The following MMP17 variants were observed in gnomAD, a reference collection of about 807,000 sequenced individuals.
MMP17 encodes matrix metalloproteinase-17.
Under a neutral mutation model 49.1 loss-of-function variants are expected in MMP17, and 54 were observed. The ratio of observed to expected loss-of-function variants is 1.10; its 90% CI spans 0.88 to 1.38. The LOEUF (loss-of-function observed/expected upper bound fraction) is 1.38. MMP17 is among the 40% of genes most tolerant of loss of function. The pLI, the probability that MMP17 is intolerant of heterozygous loss-of-function variation, is 0.00. For missense variants in MMP17, 837 were observed against 853.7 expected (o/e 0.98, Z 0.24); for synonymous variants, 397 against 383.1 (o/e 1.04, Z -0.42).
At chr12:131,841,880 C>G in intron 5 of MMP17, 80 bp downstream of exon 5, 1 of 1,437,944 alleles carries the variant, frequency 7.0e-7, no homozygotes, top group South Asian at 1.4e-5. Context: ...CAGAGCCCCC[C>G]CGGGAGGGTT....
intron 5 of MMP17, among the ~76,000 whole-genome samples, chr12:131,842,343 C>T (rs1364038222): frequency 2.6e-5 from 4 of 152,186 alleles, no homozygotes; most frequent in African/African-American, 9.7e-5. Context: ...CAGCTGCCCT[C>T]CACACCGCCC....
intron 3 of MMP17, chr12:131,839,956 T>A (rs1270246210): frequency 6.6e-6 from 1 of 151,746 alleles, no homozygotes. Context: ...TGAAAAAAAA[T>A]AAAAATAAAA....
At chr12:131,840,933 C>A (rs1480765404) in intron 4 of MMP17, 77 bp downstream of exon 4, 10 of 1,445,494 alleles carry the variant, frequency 6.9e-6, no homozygotes, top group East Asian at 2.4e-5. Flanking sequence ...CATGGCCCCC[C>A]CATCCCCAAC....
In MMP17 at chr12:131,850,047, C is replaced by A; in HGVS notation, c.1450C>A (p.Arg484Ser). ...CCCCAGCACGCTGGACGACGCCATG[C>A]GCTGGTCCGACGGTGAGTGCCAGCT... ...GVPSTLDDAM[R>S]WSDGASYFFR... Residue 484 changes from arginine to serine, a missense_variant, in exon 9 of 10, where the codon CGC (arginine) becomes AGC (serine). Coordinates refer to ENST00000360564, the MANE Select transcript of MMP17 (RefSeq NM_016155.7). The A allele has an allele frequency of 1.2e-6, 2 of 1,611,018 alleles. No homozygotes were observed. The highest frequency in any genetic ancestry group is 8.5e-7 in the Non-Finnish European group (1 of 1,178,798).
chr12:131,841,149 G>A (rs1014613518), intron 4 of MMP17, among the ~76,000 whole-genome samples: 2 of 152,230 alleles, frequency 1.3e-5, no homozygotes, highest in Admixed American at 6.5e-5. Flanking sequence ...CTGTGGCCCC[G>A]GCTCAGTGTC....
At chr12:131,835,194 C>T (rs1486599297) in intron 1 of MMP17, among the ~76,000 whole-genome samples, 1 of 152,238 alleles carries the variant, frequency 6.6e-6, no homozygotes, top group Non-Finnish European at 1.5e-5. Context: ...AGGCACCCAC[C>T]AGCCCTGCCC....
Position 131,841,552 on chromosome 12 carries a change from G to C in MMP17, c.707-72G>C, listed in dbSNP as rs1005573496. On this transcript the variant is annotated intron_variant, in intron 4 of 9. Coordinates refer to ENST00000360564, the MANE Select transcript of MMP17 (RefSeq NM_016155.7). ...CATGGTCACCCCAGAGCATGGTGGG[G>C]GCCTGCTGGTCCCTCCCCGCGGGGA... The C allele has an allele frequency of 9.9e-6, 15 of 1,507,680 alleles. No homozygotes were observed. The South Asian group carries it at 1.6e-4, about 16-fold the overall frequency. 93.4% of individuals were successfully genotyped at this position (1,507,680 alleles called of 1,614,324 possible).
chr12:131,829,463 C>G (rs576114787), intron 1 of MMP17, among the ~76,000 whole-genome samples: 11 of 152,086 alleles, frequency 7.2e-5, no homozygotes, highest in South Asian at 4.1e-4. Context: ...AGCGCCCCCC[C>G]GCTGGGGCGG....
intron 6 of MMP17, chr12:131,844,717 T>TTAAAA: frequency 3.9e-6 from 1 of 258,636 alleles, no homozygotes; most frequent in Non-Finnish European, 7.7e-6. Flanking sequence ...ACCTTGTCCC[T>TTAAAA]GACCTTCTGT....
rs1422242180 is a variant in MMP17 at position 131,844,020 on chromosome 12, A to G, written c.907A>G (p.Thr303Ala). The G allele has an allele frequency of 5.1e-6, 8 of 1,567,372 alleles. No individual in the cohort carries two copies. The highest frequency in any genetic ancestry group is 6.0e-6 in the Non-Finnish European group (7 of 1,158,302). ...LYGVRESVSPTAQPEEPPLLP... is the reference protein window; with the variant it reads ...LYGVRESVSPAAQPEEPPLLP... ...AGGTGTGCGGGAGTCTGTGTCTCCC[A>G]CGGCGCAGCCCGAGGAGCCTCCCCT... Residue 303 changes from threonine (T) to alanine (A), a missense_variant, in exon 6 of 10, where the codon ACG becomes GCG. Thr to Ala is a moderately conservative substitution (Grantham distance 58). Coordinates refer to ENST00000360564, the MANE Select transcript of MMP17 (RefSeq NM_016155.7).
chr12:131,847,150 C>T (rs181048103), intron 8 of MMP17, among the ~76,000 whole-genome samples: 30 of 151,140 alleles, frequency 2.0e-4, no homozygotes, highest in East Asian at 1.4e-3. Flanking sequence ...CAGTGGCTCA[C>T]GCCTGCAATC....
chr12:131,847,301 T>C (rs552106340), intron 8 of MMP17, among the ~76,000 whole-genome samples: 1 of 151,162 alleles, frequency 6.6e-6, no homozygotes, highest in South Asian at 2.1e-4. Context: ...TTGTTCCAGC[T>C]ACTCGGGAGG....
intron 8 of MMP17, 53 bp from the exon 9 acceptor site, chr12:131,849,749 G>A: frequency 6.4e-7 from 1 of 1,561,766 alleles, no homozygotes; most frequent in Non-Finnish European, 8.7e-7. Flanking sequence ...GGAGCCTCCT[G>A]CCCTTCGGGG....
At position 131,842,822 on chromosome 12, in the gene MMP17, G is replaced by T. The variant is rs11246847; in HGVS notation, c.883+1022G>T. ...AATTTCAAGGTGTGTACTTCTATGCGTTCAGGACATTCACAAGGTTGTGTG... is the reference window on the plus strand; with the variant it reads ...AATTTCAAGGTGTGTACTTCTATGCTTTCAGGACATTCACAAGGTTGTGTG... On this transcript the variant is annotated intron_variant, in intron 5 of 9. Transcript: ENST00000360564. 3.9e-4 allele frequency among the ~76,000 whole-genome samples: 59 copies of T among 151,876 alleles called. No homozygotes were observed. In the East Asian group the frequency reaches 6.0e-3, roughly 15 times the overall value.
intron 1 of MMP17, among the ~76,000 whole-genome samples, chr12:131,833,632 G>A (rs896754078): frequency 6.6e-6 from 1 of 152,238 alleles, no homozygotes; most frequent in Admixed American, 6.5e-5. Context: ...CCGTGGACAG[G>A]TTATCCACAC....
In MMP17 at chr12:131,840,722, A is replaced by G. The variant is rs1887350534; in HGVS notation, c.572A>G (p.Lys191Arg). 4 of 1,604,798 alleles carry G rather than the reference A, an allele frequency of 2.5e-6. No individual in the cohort carries two copies. The highest frequency in any genetic ancestry group is 3.4e-6 in the Non-Finnish European group (4 of 1,179,924). Reference sequence around the variant, plus strand: ...GCCGACATCCAGATCGACTTCTCCAAGGCCGACCATAACGACGGCTACCCC... The same window carrying G: ...GCCGACATCCAGATCGACTTCTCCAGGGCCGACCATAACGACGGCTACCCC... ...SAADIQIDFS[K>R]ADHNDGYPFD... The change falls in exon 4 of 10, where the codon AAG (lysine) becomes AGG (arginine). Residue 191 changes from lysine (K) to arginine (R), a missense_variant. By Grantham distance (26) the Lys-to-Arg change is conservative (BLOSUM62 2). Transcript: ENST00000360564.
chr12:131,840,467 C>A (rs1593229463), intron 3 of MMP17, 106 bp from the exon 4 acceptor site: 4 of 1,247,134 alleles, frequency 3.2e-6, no homozygotes, highest in African/African-American at 1.5e-5. Flanking sequence ...ATGGGGGAGA[C>A]CCTCATAGGG....
Position 131,844,335 on chromosome 12 carries a change from T to C in MMP17, c.968+254T>C, listed in dbSNP as rs1233782830. On this transcript the variant is annotated intron_variant, in intron 6 of 9. Coordinates refer to ENST00000360564, the MANE Select transcript of MMP17 (RefSeq NM_016155.7). ...CCCTCGTCCCTGTCAGCTACTGCCATGTGACAAGCAGCCCAGCTTGAGGAA... is the reference window on the plus strand; with the variant it reads ...CCCTCGTCCCTGTCAGCTACTGCCACGTGACAAGCAGCCCAGCTTGAGGAA... The C allele has an allele frequency of 5.8e-6, 3 of 519,728 alleles. No homozygotes were observed. The Admixed American group carries it at 1.2e-4, about 21-fold the overall frequency. 32.2% of individuals were successfully genotyped at this position (519,728 alleles called of 1,614,324 possible). A position where few individuals can be genotyped will look rare whatever the true frequency, so the allele number is the denominator to read the frequency against.
At chr12:131,841,571 G>A (rs961250321) in intron 4 of MMP17, 53 bp from the exon 5 acceptor site, 204 of 1,596,550 alleles carry the variant, frequency 1.3e-4, no homozygotes, top group African/African-American at 1.7e-4. Flanking sequence ...GTCCCTCCCC[G>A]CGGGGACAGG....
Sources: allele counts gnomAD v4.1 joint callset (sites outside exome capture counted in the v4.1 genomes callset), GRCh38; gene constraint gnomAD v4.1.1; transcripts MANE v1.5; gene names NCBI Gene and HGNC (gene_info 2026-07-23, HGNC 2026-07-21).